The following IPO7 variants were observed in gnomAD, a reference collection of about 807,000 sequenced individuals.
The protein encoded by IPO7 is importin 7.
A neutral mutation model predicts 136.4 loss-of-function variants in IPO7; 13 were observed. That is an observed-to-expected ratio of 0.10 (90% CI 0.06 to 0.15). The LOEUF (loss-of-function observed/expected upper bound fraction) is 0.15. Among genes scored for constraint, IPO7 ranks in the 10% least tolerant of loss-of-function variants. IPO7 has a pLI of 1.00. For synonymous variants in IPO7, 403 were observed against 404.4 expected, an observed-to-expected ratio of 1.00 and a Z score of 0.04; for missense variants, 857 against 1,240.6, an observed-to-expected ratio of 0.69 and a Z score of 4.65.
intron 7 of IPO7, 50 bp from the exon 8 acceptor site, chr11:9,420,564 C>G: frequency 6.4e-7 from 1 of 1,553,052 alleles, no homozygotes; most frequent in Non-Finnish European, 8.9e-7. Flanking sequence ...CTTTAAAGTG[C>G]TAGCATAAAG....
intron 3 of IPO7, 59 bp downstream of exon 3, chr11:9,408,698 T>C (rs1207319963): frequency 6.9e-6 from 8 of 1,162,488 alleles, no homozygotes; most frequent in Non-Finnish European, 9.3e-6. Context: ...GGTTTTTTGT[T>C]TTTTGGTTTT....
chr11:9,393,867 A>G (rs184543308), intron 1 of IPO7, among the ~76,000 whole-genome samples: 2 of 152,174 alleles, frequency 1.3e-5, no homozygotes, highest in Non-Finnish European at 2.9e-5. Flanking sequence ...TGGAAAAGTA[A>G]TTTCTAATTT....
At chr11:9,414,046 A>G (rs184796931) in intron 4 of IPO7, among the ~76,000 whole-genome samples, 1 of 152,152 alleles carries the variant, frequency 6.6e-6, no homozygotes, top group Non-Finnish European at 1.5e-5. Flanking sequence ...TATTGACCTC[A>G]TAATACATGT....
At chr11:9,434,901 A>T in intron 18 of IPO7, 33 bp from the exon 19 acceptor site, 1 of 1,343,534 alleles carries the variant, frequency 7.4e-7, no homozygotes, top group South Asian at 1.2e-5. Flanking sequence ...TGTGTTACTA[A>T]AGATGTGTAA....
At chr11:9,433,981 T>A in intron 18 of IPO7, 135 bp downstream of exon 18, 1 of 829,936 alleles carries the variant, frequency 1.2e-6, no homozygotes, top group South Asian at 1.8e-5. Flanking sequence ...TGGAGTGCAA[T>A]GGTGCGATCT....
In IPO7 at chr11:9,447,502, A is replaced by G. The variant is rs1855545029; in HGVS notation, c.*2308A>G. ...TTTGGTATAGATCAAGAATCTTAAC[A>G]TGTATCAGTTTCTAGATGAGGCTGC... On this transcript the variant is annotated 3_prime_UTR_variant, in exon 25 of 25. Transcript: ENST00000379719. The G allele has an allele frequency of 6.6e-6, 1 of 152,170 alleles. No homozygotes were observed. The highest frequency in any genetic ancestry group is 1.5e-5 in the Non-Finnish European group (1 of 68,032). The allele number at this position is 152,170 out of a possible 1,614,324, so 9.4% of individuals were successfully genotyped here.
In IPO7 at chr11:9,433,731, G is replaced by A. The variant is rs2133760510; in HGVS notation, c.1959G>A (p.Glu653=). 2 of 1,612,692 alleles carry A rather than the reference G, an allele frequency of 1.2e-6. No individual in the cohort carries two copies. The highest frequency in any genetic ancestry group is 4.5e-5 in the East Asian group (2 of 44,868). ...VLQQHVLEFY[E]EIFSLAHSLT... is the part of the protein sequence containing the mutation. ...AGTATTCTCTTTTAGAATTCTATGA[G>A]GAGATCTTCTCTTTAGCGCACAGTT... is the stretch of plus-strand genomic sequence containing the variant. The change falls in exon 18 of 25, where the codon GAG becomes GAA. Residue 653 remains glutamate (E), a synonymous_variant. Transcript: ENST00000379719.
chr11:9,397,283 A>C (rs1376801661), intron 1 of IPO7, among the ~76,000 whole-genome samples: 1 of 138,786 alleles, frequency 7.2e-6, no homozygotes, highest in Non-Finnish European at 1.5e-5. Context: ...TCAGGAGTTC[A>C]AGACCAGCCT....
intron 1 of IPO7, among the ~76,000 whole-genome samples, chr11:9,391,689 A>C (rs1355145718): frequency 6.6e-6 from 1 of 152,226 alleles, no homozygotes; most frequent in Non-Finnish European, 1.5e-5. Flanking sequence ...GGGCGACAGC[A>C]AGACTCCATC....
In IPO7 at chr11:9,401,936, C is replaced by T. The variant is rs1241642706; in HGVS notation, c.85-1354C>T. Among the ~76,000 whole-genome samples, 3 of 152,220 alleles carry T rather than the reference C, an allele frequency of 2.0e-5. 1 individual carries two copies. The highest frequency in any genetic ancestry group is 7.2e-5 in the African/African-American group (3 of 41,464). On this transcript the variant is annotated intron_variant, in intron 1 of 24. Coordinates refer to ENST00000379719, the MANE Select transcript of IPO7 (RefSeq NM_006391.3). ...CCCCAAACTATTCATTGCAATCCGC[C>T]TGCCTTGGCCTCCCAGAGCCACCAT...
At chr11:9,441,040 C>T (rs1855454136) in intron 23 of IPO7, among the ~76,000 whole-genome samples, 1 of 152,306 alleles carries the variant, frequency 6.6e-6, no homozygotes, top group African/African-American at 2.4e-5. Flanking sequence ...CAAACCTATA[C>T]TTAACGTGTT....
intron 1 of IPO7, among the ~76,000 whole-genome samples, chr11:9,402,165 G>T (rs1456950315): frequency 6.6e-6 from 1 of 152,098 alleles, no homozygotes; most frequent in Non-Finnish European, 1.5e-5. Context: ...ACTTTGGGAG[G>T]CCAAGGCGGG....
chr11:9,397,171 G>A (rs187890046), intron 1 of IPO7, among the ~76,000 whole-genome samples: 37 of 150,224 alleles, frequency 2.5e-4, no homozygotes, highest in African/African-American at 8.6e-4. Flanking sequence ...CCAGGCTGGA[G>A]TGGAGTGGTG....
intron 5 of IPO7, among the ~76,000 whole-genome samples, chr11:9,416,400 G>A (rs2133743855): frequency 6.6e-6 from 1 of 152,264 alleles, no homozygotes; most frequent in Admixed American, 6.5e-5. Context: ...TTCTAACTAG[G>A]AGGATCATAA....
intron 21 of IPO7, 21 bp from the exon 22 acceptor site, chr11:9,438,059 T>TG (rs1855406970): frequency 9.9e-6 from 5 of 504,534 alleles, no homozygotes; most frequent in Non-Finnish European, 1.1e-5. Context: ...TTTTTTTTTT[T>TG]TTTTTTTTTT....
intron 22 of IPO7, 41 bp from the exon 23 acceptor site, chr11:9,440,412 AAT>A: frequency 1.3e-6 from 2 of 1,488,076 alleles, no homozygotes; most frequent in Non-Finnish European, 1.9e-6. Context: ...TGAGTAACAA[AAT>A]ATGTCATTGT....
intron 4 of IPO7, among the ~76,000 whole-genome samples, chr11:9,412,694 T>G (rs1400585936): frequency 6.6e-6 from 1 of 152,032 alleles, no homozygotes; most frequent in Non-Finnish European, 1.5e-5. Context: ...CAGCCAGATG[T>G]GGTGGCACAT....
At chr11:9,436,586 T>C (rs1855371811) in intron 20 of IPO7, among the ~76,000 whole-genome samples, 1 of 152,054 alleles carries the variant, frequency 6.6e-6, no homozygotes, top group Non-Finnish European at 1.5e-5. Context: ...TTTGTTATCA[T>C]GAAAGGTAAA....
At chr11:9,391,065 C>T (rs975307956) in intron 1 of IPO7, among the ~76,000 whole-genome samples, 5 of 152,086 alleles carry the variant, frequency 3.3e-5, no homozygotes, top group Non-Finnish European at 5.9e-5. Context: ...TCACAGCGCC[C>T]GGCTGCTAAA....
Sources: gnomAD v4.1 joint callset for allele counts (sites outside exome capture counted in the v4.1 genomes callset) on GRCh38, gnomAD v4.1.1 for gene constraint, MANE v1.5 for transcripts, NCBI Gene and HGNC (gene_info 2026-07-23, HGNC 2026-07-21) for gene names.